The following TRIM71 variants were observed in gnomAD, a reference collection of about 807,000 sequenced individuals.
TRIM71 encodes the protein tripartite motif containing 71.
In TRIM71, 9 loss-of-function variants were observed where a neutral mutation model predicts 61.2. That is an observed-to-expected ratio of 0.15 (90% CI 0.09 to 0.26). TRIM71 has a LOEUF of 0.26. Ranked by LOEUF, TRIM71 falls within the 10% of genes least tolerant of loss-of-function variation. The pLI is 1.00. For missense variants in TRIM71, 998 were observed against 1,238.7 expected, an observed-to-expected ratio of 0.81 and a Z score of 2.92; for synonymous variants, 645 against 553.2, an observed-to-expected ratio of 1.17 and a Z score of -2.33.
chr3:32,826,509 T>A (rs1184400175), intron 1 of TRIM71, among the ~76,000 whole-genome samples: 1 of 151,600 alleles, frequency 6.6e-6, no homozygotes, highest in Non-Finnish European at 1.5e-5. Context: ...GTTTTTTTTG[T>A]CATCCTTACT....
intron 1 of TRIM71, among the ~76,000 whole-genome samples, chr3:32,855,293 T>G (rs1575350051): frequency 2.1e-5 from 3 of 143,506 alleles, no homozygotes; most frequent in African/African-American, 5.3e-5. Flanking sequence ...GGTAAGGGGG[T>G]GGAAGTGAGG....
At chr3:32,834,601 T>C (rs976363372) in intron 1 of TRIM71, among the ~76,000 whole-genome samples, 1 of 152,078 alleles carries the variant, frequency 6.6e-6, no homozygotes, top group Non-Finnish European at 1.5e-5. Flanking sequence ...GGAGGGATGG[T>C]GGGAGGCCGA....
At chr3:32,865,792 G>C (rs377115305) in intron 1 of TRIM71, among the ~76,000 whole-genome samples, 249 of 5,328 alleles carry the variant, frequency 0.047, 35 homozygotes, top group Non-Finnish European at 0.062. Context: ...CCGCCCGCCG[G>C]CCCCCCCCCC....
intron 1 of TRIM71, among the ~76,000 whole-genome samples, chr3:32,844,077 G>T (rs1696442349): frequency 6.6e-6 from 1 of 152,198 alleles, no homozygotes; most frequent in Admixed American, 6.5e-5. Flanking sequence ...CCCACTATGT[G>T]CTTACCCATG....
At chr3:32,866,403 C>G (rs1279780642) in intron 1 of TRIM71, among the ~76,000 whole-genome samples, 2 of 151,854 alleles carry the variant, frequency 1.3e-5, no homozygotes, top group Non-Finnish European at 2.9e-5. Flanking sequence ...TGCCCCCACA[C>G]TAATTTTTGT....
At chr3:32,853,202 C>T (rs1471245047) in intron 1 of TRIM71, among the ~76,000 whole-genome samples, 28 of 151,746 alleles carry the variant, frequency 1.8e-4, no homozygotes, top group African/African-American at 4.4e-4. Flanking sequence ...CTGCAACCTC[C>T]GCCTCCTGGG....
chr3:32,894,282 TTTTC>T lies in TRIM71; in HGVS notation c.*2477_*2480del, dbSNP rs1388625179. On this transcript the variant is annotated 3_prime_UTR_variant, in exon 4 of 4. Coordinates refer to ENST00000383763, the MANE Select transcript of TRIM71 (RefSeq NM_001039111.3). ...TTTCATCATCATTTTCATTCTGCTCTTTTCTTTCTAATTTCCCCAGATGTAGGAA... is the reference window on the plus strand; with the variant it reads ...TTTCATCATCATTTTCATTCTGCTCTTTTCTAATTTCCCCAGATGTAGGAA... The T allele has an allele frequency of 7.9e-5, 12 of 152,314 alleles. No individual in the cohort carries two copies. The highest frequency in any genetic ancestry group is 2.6e-4 in the African/African-American group (11 of 41,560). 9.4% of individuals were successfully genotyped at this position (152,314 alleles called of 1,614,324 possible).
Position 32,873,854 on chromosome 3 carries a change from A to G in TRIM71, c.889A>G (p.Ile297Val), listed in dbSNP as rs530720674. Reference sequence around the variant, plus strand: ...GTACTGTGACACTTGCTCTGTACCCATCTGTCGTGAGTGCACAATGGGCCG... The same window carrying G: ...GTACTGTGACACTTGCTCTGTACCCGTCTGTCGTGAGTGCACAATGGGCCG... Reference protein sequence around the residue: ...HLYCDTCSVPICRECTMGRHG... With the variant: ...HLYCDTCSVPVCRECTMGRHG... Residue 297 changes from isoleucine (I) to valine (V), a missense_variant, in exon 2 of 4, where the codon ATC becomes GTC. Around this residue, in one of 5 missense-constraint regions of TRIM71, gnomAD observed 291 missense variants for 431.2 expected, o/e 0.67. Transcript: ENST00000383763. 7.7e-4 allele frequency: 1,248 copies of G among 1,612,668 alleles called. 14 individuals are homozygous for G. In the South Asian group the frequency reaches 0.013, roughly 17 times the overall value.
chr3:32,833,583 A>C, intron 1 of TRIM71, among the ~76,000 whole-genome samples: 1 of 152,102 alleles, frequency 6.6e-6, no homozygotes, highest in East Asian at 1.9e-4. Flanking sequence ...TATAATCTTA[A>C]GAGTGAGAGG....
chr3:32,825,362 G>A (rs1575340031), intron 1 of TRIM71, among the ~76,000 whole-genome samples: 1 of 152,040 alleles, frequency 6.6e-6, no homozygotes, highest in Non-Finnish European at 1.5e-5. Context: ...AATTTTTCTG[G>A]TTCAAGAGAA....
At chr3:32,857,785 A>T (rs1696621663) in intron 1 of TRIM71, among the ~76,000 whole-genome samples, 1 of 152,346 alleles carries the variant, frequency 6.6e-6, no homozygotes. Context: ...AGCCTGGCCA[A>T]CATGGCGAAA....
At chr3:32,862,525 C>A (rs536246255) in intron 1 of TRIM71, among the ~76,000 whole-genome samples, 2 of 152,312 alleles carry the variant, frequency 1.3e-5, no homozygotes, top group African/African-American at 4.8e-5. Flanking sequence ...TACATGGCCA[C>A]CTACAGAGTC....
chr3:32,864,351 T>G (rs1052761917), intron 1 of TRIM71, among the ~76,000 whole-genome samples: 1 of 152,224 alleles, frequency 6.6e-6, no homozygotes, highest in Non-Finnish European at 1.5e-5. Flanking sequence ...GGTGTGGCAC[T>G]CTTAGGAAGA....
chr3:32,853,397 A>C (rs1158226238), intron 1 of TRIM71, among the ~76,000 whole-genome samples: 1 of 152,098 alleles, frequency 6.6e-6, no homozygotes, highest in African/African-American at 2.4e-5. Context: ...GATTACAGGC[A>C]TGAGCCACCA....
chr3:32,865,661 G>A (rs771890278), intron 1 of TRIM71, among the ~76,000 whole-genome samples: 2 of 152,014 alleles, frequency 1.3e-5, no homozygotes, highest in Non-Finnish European at 2.9e-5. Flanking sequence ...GATAGTTCCT[G>A]TGAGCCAGAA....
chr3:32,859,601 A>G (rs1359780060), intron 1 of TRIM71, among the ~76,000 whole-genome samples: 1 of 152,150 alleles, frequency 6.6e-6, no homozygotes, highest in Non-Finnish European at 1.5e-5. Context: ...GTGGTTTTGC[A>G]TACAGTTTCC....
At chr3:32,851,456 A>T (rs754687619) in intron 1 of TRIM71, among the ~76,000 whole-genome samples, 2 of 152,174 alleles carry the variant, frequency 1.3e-5, no homozygotes, top group African/African-American at 2.4e-5. Flanking sequence ...GTGAACTGGC[A>T]AACTGGAAAC....
intron 2 of TRIM71, among the ~76,000 whole-genome samples, chr3:32,884,355 A>G (rs1025709594): frequency 4.6e-5 from 7 of 152,184 alleles, no homozygotes; most frequent in Non-Finnish European, 7.3e-5. Flanking sequence ...AAGAATATTC[A>G]TAAAAATAAG....
chr3:32,889,620 G>A (rs560591222), intron 3 of TRIM71, among the ~76,000 whole-genome samples: 1 of 148,190 alleles, frequency 6.7e-6, no homozygotes, highest in South Asian at 2.1e-4. Flanking sequence ...ACGGAGTCTC[G>A]CCCTGTTCCC....
Sources: gnomAD v4.1 joint callset for allele counts (sites outside exome capture counted in the v4.1 genomes callset) on GRCh38, gnomAD v4.1.1 for gene constraint, gnomAD v4.1.1 regional missense constraint, MANE v1.5 for transcripts, NCBI Gene and HGNC (gene_info 2026-07-23, HGNC 2026-07-21) for gene names.